Variants in MAPK10 observed in about 807,000 individuals in gnomAD.
MAPK10 encodes mitogen-activated protein kinase 10.
A neutral mutation model predicts 59.3 loss-of-function variants in MAPK10; 25 were observed. The observed-to-expected ratio is 0.42, with a 90% CI of 0.31 to 0.59. The LOEUF (loss-of-function observed/expected upper bound fraction) is 0.59, where lower values mean the gene tolerates loss of function less well. Among genes scored for constraint, MAPK10 ranks in the 20% least tolerant of loss-of-function variants. The pLI, the probability that MAPK10 is intolerant of heterozygous loss-of-function variation, is 0.15. For missense variants in MAPK10, 351 were observed against 568.9 expected (o/e 0.62, Z 3.90); for synonymous variants, 190 against 200.5 (o/e 0.95, Z 0.44).
intron 1 of MAPK10, among the ~76,000 whole-genome samples, chr4:86,490,270 A>C (rs746432299): frequency 9.9e-5 from 15 of 152,046 alleles, no homozygotes; most frequent in Admixed American, 3.9e-4. Context: ...CATTCCTCCT[A>C]AGGGAAAGGA....
At chr4:86,298,186 C>T (rs141729064) in intron 2 of MAPK10, among the ~76,000 whole-genome samples, 137 of 152,148 alleles carry the variant, frequency 9.0e-4, no homozygotes, top group African/African-American at 3.1e-3. Context: ...ATTACCCAGC[C>T]GAATATTCAT....
At chr4:86,134,912 G>C (rs954662075) in intron 4 of MAPK10, among the ~76,000 whole-genome samples, 8 of 152,316 alleles carry the variant, frequency 5.3e-5, no homozygotes, top group African/African-American at 1.2e-4. Flanking sequence ...CCTAGTCAAA[G>C]AAAGGGGTGA....
chr4:86,393,608 A>T (rs1309446396), intron 1 of MAPK10, among the ~76,000 whole-genome samples: 1 of 152,214 alleles, frequency 6.6e-6, no homozygotes, highest in African/African-American at 2.4e-5. Context: ...GAAGAAATCA[A>T]GTAATATTTT....
chr4:86,252,231 A>G (rs1172825060), intron 2 of MAPK10, among the ~76,000 whole-genome samples: 1 of 126,116 alleles, frequency 7.9e-6, no homozygotes, highest in African/African-American at 4.4e-5. Flanking sequence ...GGTGTTTTGG[A>G]CATGAAGTCC....
intron 4 of MAPK10, among the ~76,000 whole-genome samples, chr4:86,114,465 A>G (rs2058012354): frequency 6.6e-6 from 1 of 152,022 alleles, no homozygotes; most frequent in Non-Finnish European, 1.5e-5. Flanking sequence ...CTGGGGGACC[A>G]CTCCAGACCC....
intron 1 of MAPK10, among the ~76,000 whole-genome samples, chr4:86,546,989 G>A (rs1428409150): frequency 6.6e-6 from 1 of 151,956 alleles, no homozygotes; most frequent in African/African-American, 2.4e-5. Context: ...CCGGAAGGTG[G>A]AGCTTGCAGC....
intron 1 of MAPK10, among the ~76,000 whole-genome samples, chr4:86,528,367 T>C (rs1757629459): frequency 6.6e-6 from 1 of 152,052 alleles, no homozygotes; most frequent in Admixed American, 6.6e-5. Flanking sequence ...ACATAAAAAT[T>C]GCATAGTTGA....
At chr4:86,240,613 A>G (rs548041398) in intron 2 of MAPK10, among the ~76,000 whole-genome samples, 1 of 150,552 alleles carries the variant, frequency 6.6e-6, no homozygotes, top group East Asian at 1.9e-4. Flanking sequence ...GTCTTTTTGG[A>G]TCTTTGTTGG....
At chr4:86,303,886 A>G (rs561704196) in intron 2 of MAPK10, among the ~76,000 whole-genome samples, 1 of 152,334 alleles carries the variant, frequency 6.6e-6, no homozygotes, top group South Asian at 2.1e-4. Context: ...TCTACAACTT[A>G]ACTTCTACCA....
intron 11 of MAPK10, among the ~76,000 whole-genome samples, chr4:86,040,240 C>CA (rs1433315382): frequency 6.6e-6 from 1 of 151,532 alleles, no homozygotes; most frequent in African/African-American, 2.4e-5. Context: ...CAACAAACTT[C>CA]AAAAAAATTA....
chr4:86,318,388 A>G (rs888557498), intron 2 of MAPK10, among the ~76,000 whole-genome samples: 4 of 152,156 alleles, frequency 2.6e-5, no homozygotes, highest in African/African-American at 9.7e-5. Flanking sequence ...AACTAAAAAA[A>G]CTATTTTGAA....
At chr4:86,406,132 G>T (rs1744333030) in intron 1 of MAPK10, among the ~76,000 whole-genome samples, 1 of 152,140 alleles carries the variant, frequency 6.6e-6, no homozygotes, top group African/African-American at 2.4e-5. Context: ...CAATAATTTT[G>T]CTGGCAACAA....
intron 3 of MAPK10, among the ~76,000 whole-genome samples, chr4:86,177,854 T>C (rs925032662): frequency 3.2e-4 from 48 of 152,186 alleles, no homozygotes; most frequent in Non-Finnish European, 5.9e-5. Flanking sequence ...GATATTATTA[T>C]ATATACACAT....
chr4:86,527,340 A>AAAAAAAAAAAAAAAAAAAG (rs1757540913), intron 1 of MAPK10, among the ~76,000 whole-genome samples: 2 of 146,738 alleles, frequency 1.4e-5, no homozygotes, highest in Non-Finnish European at 3.0e-5. Context: ...AAAAAAAAAA[A>AAAAAAAAAAAAAAAAAAAG]GTAGGCAAAG....
At chr4:86,383,165 T>C (rs1407102679) in intron 1 of MAPK10, among the ~76,000 whole-genome samples, 1 of 152,194 alleles carries the variant, frequency 6.6e-6, no homozygotes. Flanking sequence ...AGTCTTGTTC[T>C]TTTATTTCCC....
At chr4:86,447,903 T>C (rs1750232553) in intron 1 of MAPK10, among the ~76,000 whole-genome samples, 1 of 152,206 alleles carries the variant, frequency 6.6e-6, no homozygotes, top group Non-Finnish European at 1.5e-5. Context: ...GGGGAATGTG[T>C]AGCCTAATGA....
chr4:86,279,428 A>G (rs2094710366), intron 2 of MAPK10, among the ~76,000 whole-genome samples: 1 of 152,142 alleles, frequency 6.6e-6, no homozygotes, highest in African/African-American at 2.4e-5. Context: ...ATGTGGGGCA[A>G]TTAAATTAAC....
At chr4:86,364,968 A>G (rs28626971), upstream of MAPK10, among the ~76,000 whole-genome samples, 4 of 152,284 alleles carry the variant, frequency 2.6e-5, no homozygotes, top group East Asian at 7.7e-4. Context: ...AGCCCTCCCC[A>G]CCAAATAAAT....
intron 1 of MAPK10, among the ~76,000 whole-genome samples, chr4:86,572,111 A>G (rs1761504100): frequency 6.6e-6 from 1 of 152,144 alleles, no homozygotes; most frequent in East Asian, 1.9e-4. Flanking sequence ...TCATACATGC[A>G]CATATATTTT....
Sources: gnomAD v4.1 joint callset for allele counts (sites outside exome capture counted in the v4.1 genomes callset) on GRCh38, gnomAD v4.1.1 for gene constraint, MANE v1.5 for transcripts, NCBI Gene and HGNC (gene_info 2026-07-23, HGNC 2026-07-21) for gene names.